The following IGDCC3 variants were observed in gnomAD, a reference collection of about 807,000 sequenced individuals.
IGDCC3 encodes the protein immunoglobulin superfamily DCC subclass member 3.
IGDCC3 carries 47 observed loss-of-function variants against 72.0 expected under a neutral mutation model. That is an observed-to-expected ratio of 0.65 (90% CI 0.52 to 0.83). The LOEUF (loss-of-function observed/expected upper bound fraction) is 0.83, where lower values mean the gene tolerates loss of function less well. Among genes scored for constraint, IGDCC3 ranks in the 40% least tolerant of loss-of-function variants. The pLI is 0.00. For missense variants in IGDCC3, 1,038 were observed against 1,091.3 expected (o/e 0.95, Z 0.69); for synonymous variants, 477 against 472.8 (o/e 1.01, Z -0.11).
chr15:65,356,585 ACAAGCCGATGGT>A (rs61640347), intron 2 of IGDCC3, among the ~76,000 whole-genome samples: 62,429 of 151,058 alleles, frequency 0.41, 13,149 homozygotes, highest in East Asian at 0.48. Context: ...GTGCAGATGG[ACAAGCCGATGGT>A]CACACTATGT....
At chr15:65,367,050 AAC>A (rs2091291531) in intron 2 of IGDCC3, among the ~76,000 whole-genome samples, 1 of 152,160 alleles carries the variant, frequency 6.6e-6, no homozygotes, top group Non-Finnish European at 1.5e-5. Context: ...TGAATAAGAA[AAC>A]TATGGCCCAG....
intron 5 of IGDCC3, among the ~76,000 whole-genome samples, 173 bp from the exon 6 acceptor site, chr15:65,333,588 A>C (rs1334611599): frequency 1.3e-5 from 2 of 152,188 alleles, no homozygotes; most frequent in African/African-American, 4.8e-5. Flanking sequence ...AGCAGAGAGC[A>C]GCACAGAACC....
intron 4 of IGDCC3, among the ~76,000 whole-genome samples, 185 bp downstream of exon 4, chr15:65,335,106 G>T (rs1309590082): frequency 6.6e-6 from 1 of 152,180 alleles, no homozygotes; most frequent in Non-Finnish European, 1.5e-5. Context: ...TTCCCAGGGG[G>T]AAATGAGCCA....
At chr15:65,330,808 T>C in intron 9 of IGDCC3, 67 bp from the exon 10 acceptor site, 1 of 1,350,720 alleles carries the variant, frequency 7.4e-7, no homozygotes, top group East Asian at 2.5e-5. Flanking sequence ...ACCTTCCACC[T>C]GTGACCCCGA....
At chr15:65,362,473 G>C (rs532592430) in intron 2 of IGDCC3, among the ~76,000 whole-genome samples, 1 of 149,666 alleles carries the variant, frequency 6.7e-6, no homozygotes, top group African/African-American at 2.4e-5. Flanking sequence ...CTCCAAGCCA[G>C]GCACCTCCTG....
chr15:65,352,118 T>C (rs770624187), intron 2 of IGDCC3, among the ~76,000 whole-genome samples: 2 of 152,212 alleles, frequency 1.3e-5, no homozygotes, highest in Admixed American at 6.5e-5. Context: ...ACTGAACCAA[T>C]AGAAAACTGA....
chr15:65,356,848 C>CTTTGTTTTTTTTTTTTTTTT (rs2091225086), intron 2 of IGDCC3, among the ~76,000 whole-genome samples: 1 of 70,898 alleles, frequency 1.4e-5, no homozygotes, highest in Non-Finnish European at 2.6e-5. Context: ...AATGGACCTG[C>CTTTGTTTTTTTTTTTTTTTT]TTTTTTTTTT....
intron 2 of IGDCC3, among the ~76,000 whole-genome samples, chr15:65,336,469 A>T (rs1310432676): frequency 6.6e-6 from 1 of 152,174 alleles, no homozygotes; most frequent in Non-Finnish European, 1.5e-5. Flanking sequence ...GTTGCCCAGC[A>T]GGGACACTGG....
Position 65,377,496 on chromosome 15 carries a change from C to T in IGDCC3, c.103+190G>A, listed in dbSNP as rs961029767. Among the ~76,000 whole-genome samples the T allele has an allele frequency of 1.5e-4, 23 of 152,322 alleles. No homozygotes were observed. Among genetic ancestry groups the T allele is most frequent in the Admixed American group, 1.5e-3 (23 of 15,308 alleles). The stretch of plus-strand genomic sequence containing the variant: ...TCCGGGGGGTTCCGTCCTCAACACG[C>T]CCCTAGGGCCCCCAGCAGTCCGGCC... On this transcript the variant is annotated intron_variant, in intron 1 of 13. Coordinates refer to ENST00000327987, the MANE Select transcript of IGDCC3 (RefSeq NM_004884.4). The surrounding 1 kb of genome is among the most constrained non-coding windows in gnomAD (Gnocchi z 4.9).
intron 2 of IGDCC3, among the ~76,000 whole-genome samples, chr15:65,347,518 G>A (rs943205126): frequency 6.6e-6 from 1 of 152,218 alleles, no homozygotes; most frequent in African/African-American, 2.4e-5. Context: ...TCTTAAACAC[G>A]AGTTGGGTGA....
intron 2 of IGDCC3, among the ~76,000 whole-genome samples, chr15:65,336,502 G>C (rs2091030189): frequency 6.6e-6 from 1 of 151,752 alleles, no homozygotes; most frequent in Non-Finnish European, 1.5e-5. Flanking sequence ...GGTTACCAGG[G>C]CCCGGGAGCT....
chr15:65,363,745 CAA>C (rs1406385965), intron 2 of IGDCC3, among the ~76,000 whole-genome samples: 2 of 151,458 alleles, frequency 1.3e-5, no homozygotes, highest in Admixed American at 6.6e-5. Context: ...AATTTTCAAA[CAA>C]AGAGTAATTA....
chr15:65,333,536 ACT>A (rs1196836969), intron 5 of IGDCC3, 121 bp from the exon 6 acceptor site: 2 of 896,618 alleles, frequency 2.2e-6, no homozygotes, highest in Non-Finnish European at 3.2e-6. Context: ...CCAGTCTTTG[ACT>A]CTGCCCCTTC....
At chr15:65,348,444 G>A (rs759839859) in intron 2 of IGDCC3, among the ~76,000 whole-genome samples, 8 of 152,152 alleles carry the variant, frequency 5.3e-5, no homozygotes, top group Non-Finnish European at 1.2e-4. Context: ...TTGGGTAAGT[G>A]TTGGGGTCCT....
chr15:65,329,880 G>T lies in IGDCC3; in HGVS notation c.1859-16C>A, dbSNP rs775866293. On this transcript the variant is annotated splice_polypyrimidine_tract_variant and intron_variant, in intron 11 of 13. Transcript: ENST00000327987. The surrounding 1 kb of genome is among the most constrained non-coding windows in gnomAD (Gnocchi z 4.1). ...GGGCTCAAGGCTGGGGACAGGGACG[G>T]GTTGGAGGCTTTGGCTCTCCAGGTC... 3.7e-6 allele frequency: 6 copies of T among 1,613,674 alleles called. No homozygotes were observed. The highest frequency in any genetic ancestry group is 4.2e-6 in the Non-Finnish European group (5 of 1,179,992).
chr15:65,352,820 T>C (rs1017056324), intron 2 of IGDCC3, among the ~76,000 whole-genome samples: 1 of 152,220 alleles, frequency 6.6e-6, no homozygotes, highest in Non-Finnish European at 1.5e-5. Flanking sequence ...TTAGTAAAAA[T>C]GGGAAACTGG....
chr15:65,334,563 G>T, intron 5 of IGDCC3, 165 bp downstream of exon 5: 1 of 670,252 alleles, frequency 1.5e-6, no homozygotes, highest in Non-Finnish European at 2.4e-6. Flanking sequence ...GTCCTTCCAG[G>T]AGAGGGAAAC....
In IGDCC3 at chr15:65,377,552, G is replaced by A; in HGVS notation, c.103+134C>T. The A allele has an allele frequency of 2.2e-6, 2 of 912,958 alleles. No individual in the cohort carries two copies. The highest frequency in any genetic ancestry group is 2.9e-6 in the Non-Finnish European group (2 of 696,652). 56.6% of individuals were successfully genotyped at this position (912,958 alleles called of 1,614,324 possible). On this transcript the variant is annotated intron_variant, in intron 1 of 13. Coordinates refer to ENST00000327987, the MANE Select transcript of IGDCC3 (RefSeq NM_004884.4). This position sits in a 1 kb window ranked among gnomAD's most constrained non-coding sequence, Gnocchi z 4.9. ...ACCCTCTCCCCGTCCGGATCCGCAG[G>A]GTCCCCCCCGCGCGGGGTCCGCCCT...
At chr15:65,359,752 G>A (rs1370870056) in intron 2 of IGDCC3, among the ~76,000 whole-genome samples, 1 of 152,200 alleles carries the variant, frequency 6.6e-6, no homozygotes, top group Non-Finnish European at 1.5e-5. Context: ...AGAAATGGAT[G>A]AGACCTTTTC....
Sources: gnomAD v4.1 joint callset for allele counts (sites outside exome capture counted in the v4.1 genomes callset) on GRCh38, gnomAD v4.1.1 for gene constraint, Gnocchi (gnomAD v3.1) non-coding constraint, MANE v1.5 for transcripts, NCBI Gene and HGNC (gene_info 2026-07-23, HGNC 2026-07-21) for gene names.